KIF26B: variants seen among roughly 807,000 people sequenced by gnomAD.
KIF26B encodes the protein kinesin-like protein KIF26B.
A neutral mutation model predicts 151.2 loss-of-function variants in KIF26B; 63 were observed. The observed-to-expected ratio is 0.42, with a 90% confidence interval of 0.34 to 0.51. KIF26B has a LOEUF of 0.51. Among genes scored for constraint, KIF26B ranks in the 20% least tolerant of loss-of-function variants. The pLI, the probability that KIF26B is intolerant of heterozygous loss-of-function variation, is 0.07. For synonymous variants in KIF26B, 1,357 were observed against 1,262.1 expected (o/e 1.08, Z -1.59); for missense variants, 2,813 against 2,913.6 (o/e 0.97, Z 0.79).
At position 245,362,700 on chromosome 1, in the gene KIF26B, C is replaced by A. The variant is rs187588898; in HGVS notation, c.466-4134C>A. On this transcript the variant is annotated intron_variant, in intron 2 of 14. Coordinates refer to ENST00000407071, the MANE Select transcript of KIF26B (RefSeq NM_018012.4). ...CTTCTTTTGAAATTAGTGAGGGGAC[C>A]TGACCTTGGGTGATCCGCCCACCTC... is the stretch of plus-strand genomic sequence containing the variant. Among the ~76,000 whole-genome samples the A allele has an allele frequency of 4.6e-5, 7 of 152,254 alleles. No individual in the cohort carries two copies. In the East Asian group the frequency reaches 1.4e-3, roughly 29 times the overall value.
chr1:245,700,945 C>CTTCA (rs2044762683), intron 14 of KIF26B, among the ~76,000 whole-genome samples: 1 of 151,130 alleles, frequency 6.6e-6, no homozygotes, highest in South Asian at 2.1e-4. Flanking sequence ...GTTCTCTCTC[C>CTTCA]TTCATTTTTG....
intron 5 of KIF26B, among the ~76,000 whole-genome samples, chr1:245,587,489 G>A (rs2043240906): frequency 6.6e-6 from 1 of 152,146 alleles, no homozygotes; most frequent in Admixed American, 6.5e-5. Flanking sequence ...GACTCATTTG[G>A]GGAGTGGCCA....
At position 245,366,923 on chromosome 1, in the gene KIF26B, C is replaced by A; in HGVS notation, c.555C>A (p.Asp185Glu). 1 of 1,614,060 alleles carries A rather than the reference C, an allele frequency of 6.2e-7. No homozygotes were observed. Among genetic ancestry groups the A allele is most frequent in the South Asian group, 1.1e-5 (1 of 91,088 alleles). The change falls in exon 3 of 15, where the codon GAC (aspartate) becomes GAA (glutamate). Residue 185 changes from aspartate to glutamate, a missense_variant. Asp to Glu is a conservative substitution (Grantham distance 45, BLOSUM62 2). Coordinates refer to ENST00000407071, the MANE Select transcript of KIF26B (RefSeq NM_018012.4). ...KAWNDRDNRC[D>E]ICATHLNQLK... ...GGAACGACCGGGACAACCGCTGTGA[C>A]ATTTGCGCCACTCACCTGAACCAGT...
chr1:245,356,477 A>T (rs1672703619), intron 2 of KIF26B, among the ~76,000 whole-genome samples: 1 of 152,084 alleles, frequency 6.6e-6, no homozygotes, highest in African/African-American at 2.4e-5. Context: ...GAATTGCTTG[A>T]ACCTAGGAGG....
intron 3 of KIF26B, among the ~76,000 whole-genome samples, chr1:245,399,371 G>A (rs1226107679): frequency 1.3e-5 from 2 of 152,162 alleles, no homozygotes; most frequent in Non-Finnish European, 2.9e-5. Context: ...TGGAAGGGAT[G>A]GGGGTGAGAA....
At chr1:245,209,932 TA>T (rs1338531653) in intron 2 of KIF26B, among the ~76,000 whole-genome samples, 2 of 152,232 alleles carry the variant, frequency 1.3e-5, no homozygotes, top group African/African-American at 4.8e-5. Flanking sequence ...CGTAAGAAGA[TA>T]CTGGGGTCTT....
intron 2 of KIF26B, among the ~76,000 whole-genome samples, chr1:245,291,363 A>G (rs1671250470): frequency 6.6e-6 from 1 of 152,228 alleles, no homozygotes; most frequent in South Asian, 2.1e-4. Context: ...TTTGAGTCCA[A>G]CAAGTATTAG....
At chr1:245,329,953 C>T (rs1339040009) in intron 2 of KIF26B, among the ~76,000 whole-genome samples, 1 of 152,166 alleles carries the variant, frequency 6.6e-6, no homozygotes, top group African/African-American at 2.4e-5. Context: ...GCTGTGACTA[C>T]AGCTACCGTG....
At position 245,686,526 on chromosome 1, in the gene KIF26B, G is replaced by T; in HGVS notation, c.3543G>T (p.Glu1181Asp). 6.2e-7 allele frequency: 1 copy of T among 1,613,114 alleles called. No individual in the cohort carries two copies. ...TTMVTVQQPL[E>D]LNGEDELVFT... ...TGGTGACGGTGCAGCAGCCACTGGA[G>T]CTGAACGGTGAGGACGAGCTGGTGT... The change falls in exon 12 of 15, where the codon GAG becomes GAT. Residue 1181 changes from glutamate to aspartate, a missense_variant. Glu to Asp is a conservative substitution (Grantham distance 45). Transcript: ENST00000407071. The surrounding 1 kb of genome is among the most constrained non-coding windows in gnomAD (Gnocchi z 5.6).
intron 12 of KIF26B, among the ~76,000 whole-genome samples, chr1:245,693,498 T>C (rs1218144106): frequency 1.3e-5 from 2 of 152,244 alleles, no homozygotes; most frequent in Admixed American, 1.3e-4. Flanking sequence ...GTATTTCTCA[T>C]ATCTTTTCCT....
In KIF26B at chr1:245,512,146, C is replaced by CT. The variant is rs1375926147; in HGVS notation, c.1167-28619dup. On this transcript the variant is annotated intron_variant, in intron 4 of 14. Transcript: ENST00000407071. This position sits in a 1 kb window ranked among gnomAD's most constrained non-coding sequence, Gnocchi z 4.3. ...ATGTTAATGCAGCTATTTCTGGCTT[C>CT]TTAAAACTTGCATAGATTTGGAAGT... 6.6e-6 allele frequency among the ~76,000 whole-genome samples: 1 copy of CT among 152,206 alleles called. No homozygotes were observed. Among genetic ancestry groups the CT allele is most frequent in the Non-Finnish European group, 1.5e-5 (1 of 68,036 alleles).
At chr1:245,285,591 C>T (rs1014614713) in intron 2 of KIF26B, among the ~76,000 whole-genome samples, 2 of 150,978 alleles carry the variant, frequency 1.3e-5, no homozygotes, top group African/African-American at 4.9e-5. Context: ...CATCTCTACT[C>T]CTGAAGTCTC....
At chr1:245,206,015 G>A (rs2103540643) in intron 2 of KIF26B, among the ~76,000 whole-genome samples, 1 of 152,192 alleles carries the variant, frequency 6.6e-6, no homozygotes, top group East Asian at 1.9e-4. Flanking sequence ...AGGAATTATA[G>A]GAGTGAGTCA....
At chr1:245,477,202 T>TC (rs1660058384) in intron 4 of KIF26B, among the ~76,000 whole-genome samples, 1 of 151,908 alleles carries the variant, frequency 6.6e-6, no homozygotes, top group Non-Finnish European at 1.5e-5. Flanking sequence ...CAGCCCCATT[T>TC]CTCTTTTCTA....
At chr1:245,376,266 G>A (rs564016335) in intron 3 of KIF26B, among the ~76,000 whole-genome samples, 2 of 152,280 alleles carry the variant, frequency 1.3e-5, no homozygotes, top group Admixed American at 6.5e-5. Flanking sequence ...CACTTTGGAC[G>A]TTGTAGAGCA....
chr1:245,396,350 A>C (rs1242882688), intron 3 of KIF26B, among the ~76,000 whole-genome samples: 1 of 138,378 alleles, frequency 7.2e-6, no homozygotes, highest in Non-Finnish European at 1.5e-5. Flanking sequence ...TAAAATACCA[A>C]ATAAAATATG....
intron 10 of KIF26B, among the ~76,000 whole-genome samples, chr1:245,666,583 C>T (rs910178596): frequency 6.6e-6 from 1 of 151,986 alleles, no homozygotes; most frequent in Non-Finnish European, 1.5e-5. Flanking sequence ...TGTGTTACTG[C>T]AAAGGAATGA....
At chr1:245,269,298 C>T (rs111418872) in intron 2 of KIF26B, among the ~76,000 whole-genome samples, 162 of 146,672 alleles carry the variant, frequency 1.1e-3, no homozygotes, top group African/African-American at 4.0e-3. Flanking sequence ...CCCCCTCCTC[C>T]CTGCTCTGTG....
intron 14 of KIF26B, 143 bp downstream of exon 14, chr1:245,699,180 C>T (rs932666032): frequency 2.4e-5 from 20 of 847,116 alleles, no homozygotes; most frequent in East Asian, 5.3e-5. Flanking sequence ...GAAGTTGCAC[C>T]GAGCGAGCAG....
Sources: gnomAD v4.1 joint callset for allele counts (sites outside exome capture counted in the v4.1 genomes callset) on GRCh38, gnomAD v4.1.1 for gene constraint, Gnocchi (gnomAD v3.1) non-coding constraint, MANE v1.5 for transcripts, NCBI Gene and HGNC (gene_info 2026-07-23, HGNC 2026-07-21) for gene names.